The following TTN variants were observed in gnomAD, a reference collection of about 807,000 sequenced individuals.
TTN encodes titin, also known as connectin.
A neutral mutation model predicts 3,223.0 loss-of-function variants in TTN; 1,525 were observed. The observed-to-expected ratio is 0.47, with a 90% CI of 0.45 to 0.49. TTN has a LOEUF of 0.49. Among genes scored for constraint, TTN ranks in the 20% least tolerant of loss-of-function variants. The pLI, the probability that TTN is intolerant of heterozygous loss-of-function variation, is 0.00. For missense variants in TTN, 40,786 were observed against 43,424.0 expected (o/e 0.94, Z 5.40); for synonymous variants, 14,094 against 15,161.0 (o/e 0.93, Z 5.17).
chr2:178,649,968 A>C, intron 210 of TTN, 74 bp from the exon 211 acceptor site: 1 of 1,507,982 alleles, frequency 6.6e-7, no homozygotes, highest in East Asian at 2.3e-5. Context: ...TGAATTAAAA[A>C]CCACACATAT....
chr2:178,724,611 G>A, intron 71 of TTN, 73 bp from the exon 72 acceptor site: 1 of 1,430,190 alleles, frequency 7.0e-7, no homozygotes, highest in Non-Finnish European at 9.2e-7. Context: ...CATTCACTAA[G>A]ATTGTTTCTC....
rs764713884 is a variant in TTN, at chr2:178,530,752, A to G, written c.105863T>C (p.Ile35288Thr). ...AGCTTCTGCTTTCAGGAACTGAGTA[A>G]TCTTTGGTGGGGCAGAGACTGGGAG... Reference protein sequence around the residue: ...QHLPVSAPPKITQFLKAEASK... With the variant: ...QHLPVSAPPKTTQFLKAEASK... Residue 35288 changes from isoleucine (I) to threonine (T), a missense_variant, in exon 358 of 363, where the codon ATT (isoleucine) becomes ACT (threonine). Physicochemically the swap from Ile to Thr is moderately conservative, Grantham distance 89. Coordinates refer to ENST00000589042, the MANE Select transcript of TTN (RefSeq NM_001267550.2). 10 of 1,613,746 alleles carry G rather than the reference A, an allele frequency of 6.2e-6. No individual in the cohort carries two copies. Among genetic ancestry groups the G allele is most frequent in the African/African-American group, 1.3e-5 (1 of 74,964 alleles).
intron 241 of TTN, 137 bp downstream of exon 241, chr2:178,625,135 TA>T: frequency 7.8e-7 from 1 of 1,287,192 alleles, no homozygotes; most frequent in Non-Finnish European, 1.0e-6. Flanking sequence ...TTTGTTATGC[TA>T]AAAAGTAAAA....
intron 15 of TTN, 149 bp from the exon 16 acceptor site, chr2:178,784,500 T>C (rs2093028524): frequency 1.0e-6 from 1 of 965,032 alleles, no homozygotes; most frequent in Non-Finnish European, 1.5e-6. Flanking sequence ...GAAAAGTCAT[T>C]TAGAGATAAG....
At position 178,607,003 on chromosome 2, in the gene TTN, T is replaced by C; in HGVS notation, c.53581+18A>G. 1 of 1,599,014 alleles carries C rather than the reference T, an allele frequency of 6.3e-7. No homozygotes were observed. The highest frequency in any genetic ancestry group is 8.5e-7 in the Non-Finnish European group (1 of 1,175,960). On this transcript the variant is annotated intron_variant, in intron 278 of 362. Coordinates refer to ENST00000589042, the MANE Select transcript of TTN (RefSeq NM_001267550.2). ...GCAAAACATTACTCTATAAACACAA[T>C]GAAACCTTCTCTTTTACCTAGTGGA... is the stretch of plus-strand genomic sequence containing the variant.
At chr2:178,716,841 G>A (rs1010357790) in intron 88 of TTN, among the ~76,000 whole-genome samples, 1 of 151,936 alleles carries the variant, frequency 6.6e-6, no homozygotes, top group South Asian at 2.1e-4. Context: ...GTAGAGTTTC[G>A]GTTATCTCTC....
Position 178,727,759 on chromosome 2 carries a change from A to G in TTN, c.19819T>C (p.Trp6607Arg). ...LKGTPPFKIK[W>R]FKDDVELVSG... ...ACAAGTTCCACATCATCCTTAAACCATTTTATTTTAAATGGTGGTGTTCCT... is the reference window on the plus strand; with the variant it reads ...ACAAGTTCCACATCATCCTTAAACCGTTTTATTTTAAATGGTGGTGTTCCT... Residue 6607 changes from tryptophan to arginine, a missense_variant, in exon 68 of 363, where the codon TGG becomes CGG. Coordinates refer to ENST00000589042, the MANE Select transcript of TTN (RefSeq NM_001267550.2). The G allele has an allele frequency of 6.2e-7, 1 of 1,613,228 alleles. No individual in the cohort carries two copies. The highest frequency in any genetic ancestry group is 8.5e-7 in the Non-Finnish European group (1 of 1,179,422).
rs1299461448 is a variant in TTN, at chr2:178,735,996, G to A, written c.14450C>T (p.Thr4817Ile). ...FVGKAAKFICTVTGTPVIETI... is the reference protein window; with the variant it reads ...FVGKAAKFICIVTGTPVIETI... ...TTCTATCACAGGAGTCCCTGTCACT[G>A]TGCAGATGAACTTGGCTGCCTTACC... The change falls in exon 50 of 363, where the codon ACA becomes ATA. Residue 4817 changes from threonine to isoleucine, a missense_variant. Physicochemically the swap from Thr to Ile is moderately conservative, Grantham distance 89. Coordinates refer to ENST00000589042, the MANE Select transcript of TTN (RefSeq NM_001267550.2). 2 of 1,613,404 alleles carry A rather than the reference G, an allele frequency of 1.2e-6. No individual in the cohort carries two copies. The highest frequency in any genetic ancestry group is 1.7e-6 in the Non-Finnish European group (2 of 1,179,598).
rs1052305609 is a variant in TTN, at chr2:178,613,260, T to C, written c.49549A>G (p.Asn16517Asp). The C allele has an allele frequency of 1.2e-6, 2 of 1,609,730 alleles. No homozygotes were observed. Among genetic ancestry groups the C allele is most frequent in the Admixed American group, 1.7e-5 (1 of 59,602 alleles). Residue 16517 changes from asparagine to aspartate, a missense_variant, in exon 264 of 363, where the codon AAT (asparagine) becomes GAT (aspartate). By Grantham distance (23) the Asn-to-Asp change is conservative. Transcript: ENST00000589042. ...ACACGGAATCTGTATTTTTTCTTATTAGTGAGACCTTTCACTCTGAATTAG... is the reference window on the plus strand; with the variant it reads ...ACACGGAATCTGTATTTTTTCTTATCAGTGAGACCTTTCACTCTGAATTAG... ...DTTYRVKGLT[N>D]KKKYRFRVLA...
chr2:178,733,627 T>C lies in TTN; in HGVS notation c.15762A>G (p.Glu5254=), dbSNP rs1456922449. The C allele has an allele frequency of 1.2e-6, 2 of 1,611,486 alleles. No individual in the cohort carries two copies. The highest frequency in any genetic ancestry group is 1.7e-6 in the Non-Finnish European group (2 of 1,178,070). ...TCCTACACAAACCTTTAACTATTAA[T>C]TCCCCAACAGATGTTTGGCTTCCAG... is the stretch of plus-strand genomic sequence containing the variant. ...NEAGSQTSVG[E]LIVKEPAKII... Residue 5254 remains glutamate (E), a synonymous_variant, in exon 53 of 363, where the codon GAA becomes GAG. Coordinates refer to ENST00000589042, the MANE Select transcript of TTN (RefSeq NM_001267550.2).
Position 178,740,192 on chromosome 2 carries a change from G to C in TTN, c.13041C>G (p.Asp4347Glu). ...KQVLLKEEHS[D>E]NVVMPPDQII... ...TTTGGTCTGGGGGCATCACCACGTT[G>C]TCAGAATGCTCTTCTTTGAGCAGTA... Residue 4347 changes from aspartate to glutamate, a missense_variant, in exon 48 of 363, where the codon GAC becomes GAG. Coordinates refer to ENST00000589042, the MANE Select transcript of TTN (RefSeq NM_001267550.2). 1 of 1,613,442 alleles carries C rather than the reference G, an allele frequency of 6.2e-7. No homozygotes were observed. Among genetic ancestry groups the C allele is most frequent in the Non-Finnish European group, 8.5e-7 (1 of 1,179,692 alleles).
At position 178,630,855 on chromosome 2, in the gene TTN, ATCT is replaced by A. The variant is rs2059715163; in HGVS notation, c.44100_44102del (p.Glu14700del). ...TGAGTTTCCAGTTGGCGTGGATATCATCTTCAGAGATTTCGGTTTCAAAGCGTG... is the reference window on the plus strand; with the variant it reads ...TGAGTTTCCAGTTGGCGTGGATATCATCAGAGATTTCGGTTTCAAAGCGTG... On this transcript the variant is annotated inframe_deletion, in exon 238 of 363. Transcript: ENST00000589042. The A allele has an allele frequency of 6.2e-7, 1 of 1,613,342 alleles. No individual in the cohort carries two copies. The highest frequency in any genetic ancestry group is 2.2e-5 in the East Asian group (1 of 44,788).
chr2:178,623,582 T>C (rs1013349886), intron 242 of TTN, among the ~76,000 whole-genome samples: 1 of 151,884 alleles, frequency 6.6e-6, no homozygotes, highest in Non-Finnish European at 1.5e-5. Flanking sequence ...TGAAGGTAGA[T>C]GTCAAGGTGA....
chr2:178,607,858 C>T lies in TTN; in HGVS notation c.52929G>A (p.Arg17643=), dbSNP rs750808639. 1.5e-5 allele frequency: 24 copies of T among 1,613,002 alleles called. No individual in the cohort carries two copies. Among genetic ancestry groups the T allele is most frequent in the Non-Finnish European group, 2.0e-5 (24 of 1,179,342 alleles). ...CCCCTGCGGCATTGACAGCACTCAC[C>T]CGAAGTTTGTAATCAGCACCCTCTC... ...EIREGADYKL[R]VSAVNAAGEG... Residue 17643 remains arginine (R), a synonymous_variant, in exon 276 of 363, where the codon CGG becomes CGA. Coordinates refer to ENST00000589042, the MANE Select transcript of TTN (RefSeq NM_001267550.2).
Position 178,741,134 on chromosome 2 carries a change from T to C in TTN, c.12099A>G (p.Thr4033=), listed in dbSNP as rs781206140. ...CTTTGCAGGGGGTATCAGTCATGTC[T>C]GTGTCTTCCAGAAGCACAAGCAGCT... is the stretch of plus-strand genomic sequence containing the variant. The part of the protein sequence containing the change: ...AAELLVLLED[T]DMTDTPCKAK... The change falls in exon 48 of 363, where the codon ACA becomes ACG. Residue 4033 remains threonine (T), a synonymous_variant. Transcript: ENST00000589042. 4.3e-6 allele frequency: 7 copies of C among 1,613,712 alleles called. No individual in the cohort carries two copies. The East Asian group carries it at 1.6e-4, about 36-fold the overall frequency.
Position 178,553,328 on chromosome 2 carries a change from G to T in TTN, c.89572C>A (p.Gln29858Lys), listed in dbSNP as rs1316523481. Residue 29858 changes from glutamine (Q) to lysine (K), a missense_variant, in exon 335 of 363, where the codon CAA (glutamine) becomes AAA (lysine). By Grantham distance (53) the Gln-to-Lys change is moderately conservative (BLOSUM62 1). Coordinates refer to ENST00000589042, the MANE Select transcript of TTN (RefSeq NM_001267550.2). ...SVIAKAGEDV[Q>K]VLIPFKGRPP... ...CTGCCTTTAAAGGGAATCAACACTT[G>T]TACATCTTCACCAGCTTTGGCAATA... 16 of 1,604,426 alleles carry T rather than the reference G, an allele frequency of 1.0e-5. No homozygotes were observed. Among genetic ancestry groups the T allele is most frequent in the Non-Finnish European group, 1.4e-5 (16 of 1,178,484 alleles).
chr2:178,591,862 T>A lies in TTN; in HGVS notation c.59957A>T (p.His19986Leu). The part of the protein sequence containing the change: ...HPPGPPKDLH[H>L]VDVDKTEVSL... ...GACTTCAGTCTTGTCAACATCTACA[T>A]GGTGCAGGTCCTTGGGTGGCCCTGG... Residue 19986 changes from histidine (H) to leucine (L), a missense_variant, in exon 303 of 363, where the codon CAT becomes CTT. Coordinates refer to ENST00000589042, the MANE Select transcript of TTN (RefSeq NM_001267550.2). 1 of 1,613,214 alleles carries A rather than the reference T, an allele frequency of 6.2e-7. No individual in the cohort carries two copies. The highest frequency in any genetic ancestry group is 8.5e-7 in the Non-Finnish European group (1 of 1,179,532).
At chr2:178,751,891 C>T in intron 47 of TTN, 3 of 1,603,270 alleles carry the variant, frequency 1.9e-6, no homozygotes, top group Non-Finnish European at 1.7e-6. Context: ...TAAAAGAAGG[C>T]TTAAAATATT....
rs1191623943 is a variant in TTN, at chr2:178,620,026, A to G, written c.46391T>C (p.Val15464Ala). Reference protein sequence around the residue: ...LDDECEYACGVEDRKSRARLF... With the variant: ...LDDECEYACGAEDRKSRARLF... ...TCTAGCACGAGACTTCCTGTCTTCT[A>G]CCCCGCAAGCATATTCACACTCATC... The change falls in exon 249 of 363, where the codon GTA (valine) becomes GCA (alanine). Residue 15464 changes from valine (V) to alanine (A), a missense_variant. Physicochemically the swap from Val to Ala is moderately conservative, Grantham distance 64. Coordinates refer to ENST00000589042, the MANE Select transcript of TTN (RefSeq NM_001267550.2). 6 of 1,611,690 alleles carry G rather than the reference A, an allele frequency of 3.7e-6. No homozygotes were observed. The highest frequency in any genetic ancestry group is 8.5e-7 in the Non-Finnish European group (1 of 1,178,768).
Sources: gnomAD v4.1 joint callset for allele counts (sites outside exome capture counted in the v4.1 genomes callset) on GRCh38, gnomAD v4.1.1 for gene constraint, MANE v1.5 for transcripts, NCBI Gene and HGNC (gene_info 2026-07-23, HGNC 2026-07-21) for gene names.